AGMO: variants seen among roughly 807,000 people sequenced by gnomAD.
AGMO encodes alkylglycerol monooxygenase, also known as glyceryl-ether monooxygenase.
AGMO carries 75 observed loss-of-function variants against 60.2 expected under a neutral mutation model. That is an observed-to-expected ratio of 1.25 (90% CI 1.03 to 1.51). AGMO has a LOEUF of 1.51. Ranked by LOEUF, AGMO falls within the 40% of genes most tolerant of loss-of-function variation. AGMO has a pLI of 0.00. For synonymous variants in AGMO, 261 were observed against 177.1 expected, an observed-to-expected ratio of 1.47 and a Z score of -3.76; for missense variants, 763 against 525.5, an observed-to-expected ratio of 1.45 and a Z score of -4.42.
intron 12 of AGMO, among the ~76,000 whole-genome samples, chr7:15,322,489 T>TATATATAA (rs1268142607): frequency 2.4e-5 from 2 of 83,924 alleles, no homozygotes; most frequent in East Asian, 6.6e-4. Context: ...TATATATAAA[T>TATATATAA]ATATATAAAT....
intron 3 of AGMO, among the ~76,000 whole-genome samples, chr7:15,465,125 T>C (rs1782245325): frequency 6.6e-6 from 1 of 152,094 alleles, no homozygotes; most frequent in African/African-American, 2.4e-5. Context: ...ACTCTGTGTG[T>C]TCTGTTTGGT....
At chr7:15,443,316 T>C (rs1264247334) in intron 3 of AGMO, among the ~76,000 whole-genome samples, 1 of 152,168 alleles carries the variant, frequency 6.6e-6, no homozygotes, top group Non-Finnish European at 1.5e-5. Context: ...GTCGTGGGGT[T>C]GGAGCCCCAC....
chr7:15,193,083 T>G, the AGMO span, among the ~76,000 whole-genome samples: 1 of 152,192 alleles, frequency 6.6e-6, no homozygotes, highest in South Asian at 2.1e-4. Context: ...AAAATAAAAT[T>G]ATCCGTATTC....
At chr7:15,292,860 T>C (rs975417384) in intron 12 of AGMO, among the ~76,000 whole-genome samples, 28 of 147,200 alleles carry the variant, frequency 1.9e-4, no homozygotes, top group African/African-American at 7.1e-4. Flanking sequence ...CAGGTTCAAG[T>C]GATTCTCCTG....
the AGMO span, among the ~76,000 whole-genome samples, chr7:15,166,971 T>C: frequency 3.9e-5 from 6 of 152,160 alleles, no homozygotes; most frequent in Non-Finnish European, 7.3e-5. Context: ...GAATGTCCAG[T>C]AGATACTTGG....
the AGMO span, among the ~76,000 whole-genome samples, chr7:15,140,030 A>C: frequency 6.6e-6 from 1 of 150,934 alleles, no homozygotes; most frequent in South Asian, 2.1e-4. Flanking sequence ...AGGAGATTTG[A>C]ACTTGGCAAA....
chr7:15,283,114 A>G (rs924364357), intron 12 of AGMO, among the ~76,000 whole-genome samples: 5 of 152,120 alleles, frequency 3.3e-5, no homozygotes, highest in African/African-American at 9.6e-5. Flanking sequence ...CAAAAGTCCT[A>G]TATGAAACAT....
At chr7:15,131,692 T>C in the AGMO span, among the ~76,000 whole-genome samples, 1 of 151,676 alleles carries the variant, frequency 6.6e-6, no homozygotes, top group African/African-American at 2.4e-5. Flanking sequence ...AGGGATAAGA[T>C]GTAGAGAAAG....
intron 12 of AGMO, among the ~76,000 whole-genome samples, chr7:15,299,488 C>A (rs1036693804): frequency 6.6e-6 from 1 of 151,958 alleles, no homozygotes; most frequent in Non-Finnish European, 1.5e-5. Flanking sequence ...ATTTCTCATG[C>A]GAGCATTCAC....
chr7:15,342,977 A>G (rs951371483), intron 12 of AGMO, among the ~76,000 whole-genome samples: 3 of 152,054 alleles, frequency 2.0e-5, no homozygotes, highest in African/African-American at 7.2e-5. Context: ...GACTCTTGAT[A>G]GTAGGTACTA....
intron 3 of AGMO, among the ~76,000 whole-genome samples, chr7:15,529,284 T>C (rs1784212780): frequency 2.0e-5 from 3 of 151,450 alleles, no homozygotes; most frequent in Non-Finnish European, 4.4e-5. Context: ...TTGAAACAAA[T>C]GTACCACCCT....
At chr7:15,449,198 T>C (rs1365666542) in intron 3 of AGMO, among the ~76,000 whole-genome samples, 2 of 152,140 alleles carry the variant, frequency 1.3e-5, no homozygotes, top group African/African-American at 4.8e-5. Flanking sequence ...AAACATTATT[T>C]ATAATGAAGT....
chr7:15,350,127 G>A (rs1310297213), intron 12 of AGMO, among the ~76,000 whole-genome samples: 1 of 152,048 alleles, frequency 6.6e-6, no homozygotes, highest in Non-Finnish European at 1.5e-5. Context: ...CTGTGTTTCT[G>A]GAACCTGGGT....
At chr7:15,302,847 G>C (rs956940700) in intron 12 of AGMO, among the ~76,000 whole-genome samples, 8 of 152,150 alleles carry the variant, frequency 5.3e-5, no homozygotes, top group Non-Finnish European at 1.0e-4. Context: ...AGATAGGACT[G>C]AAGCCATGAA....
chr7:15,554,031 C>T lies in AGMO; in HGVS notation c.257+6110G>A, dbSNP rs185991042. On this transcript the variant is annotated intron_variant, in intron 2 of 12. Transcript: ENST00000342526. ...ATCCCCTTTTATTACATATGTGAAACAATAGCCATGGAGTGCCCACAACTA... is the reference window on the plus strand; with the variant it reads ...ATCCCCTTTTATTACATATGTGAAATAATAGCCATGGAGTGCCCACAACTA... Among the ~76,000 whole-genome samples the T allele has an allele frequency of 6.7e-3, 1,021 of 152,162 alleles. 7 individuals carry two copies. Among genetic ancestry groups the T allele is most frequent in the African/African-American group, 0.023 (969 of 41,520 alleles).
At chr7:15,407,321 G>T (rs1015721223) in intron 5 of AGMO, among the ~76,000 whole-genome samples, 4 of 149,060 alleles carry the variant, frequency 2.7e-5, no homozygotes, top group African/African-American at 9.8e-5. Context: ...TAAGCAATGG[G>T]GTGATGAATT....
At chr7:15,380,275 C>G (rs10245950) in intron 10 of AGMO, among the ~76,000 whole-genome samples, 60,455 of 151,866 alleles carry the variant, frequency 0.4, 12,869 homozygotes, top group African/African-American at 0.55. Context: ...TGGTGTCAAC[C>G]CAAAAGCTTC....
intron 3 of AGMO, among the ~76,000 whole-genome samples, chr7:15,497,060 GA>G (rs1443112521): frequency 6.6e-6 from 1 of 152,102 alleles, no homozygotes; most frequent in African/African-American, 2.4e-5. Context: ...GTGTGCCATA[GA>G]AGAAGAAGAT....
intron 3 of AGMO, among the ~76,000 whole-genome samples, chr7:15,491,954 G>A (rs1783076992): frequency 6.6e-6 from 1 of 152,174 alleles, no homozygotes; most frequent in South Asian, 2.1e-4. Context: ...ACTCTATTTA[G>A]ACCAAAGTTA....
Sources: gnomAD v4.1 joint callset for allele counts (sites outside exome capture counted in the v4.1 genomes callset) on GRCh38, gnomAD v4.1.1 for gene constraint, MANE v1.5 for transcripts, NCBI Gene and HGNC (gene_info 2026-07-23, HGNC 2026-07-21) for gene names.